Variants in SORCS3 observed in about 807,000 individuals in gnomAD.
The protein encoded by SORCS3 is sortilin related VPS10 domain containing receptor 3, also known as VPS10 domain-containing receptor SorCS3.
In SORCS3, 57 loss-of-function variants were observed where a neutral mutation model predicts 146.3. The observed-to-expected ratio is 0.39, with a 90% CI of 0.31 to 0.49. The LOEUF (loss-of-function observed/expected upper bound fraction) is 0.49. Ranked by LOEUF, SORCS3 falls within the 20% of genes least tolerant of loss-of-function variation. SORCS3 has a pLI of 0.92. For missense variants in SORCS3, 1,341 were observed against 1,575.5 expected (o/e 0.85, Z 2.52); for synonymous variants, 653 against 618.5 (o/e 1.06, Z -0.83).
intron 1 of SORCS3, among the ~76,000 whole-genome samples, chr10:104,820,161 A>T (rs2017856689): frequency 6.6e-6 from 1 of 152,144 alleles, no homozygotes; most frequent in Admixed American, 6.5e-5. Flanking sequence ...AAACATTAGG[A>T]GGGAACAGAT....
At chr10:104,667,790 T>C (rs1017051785) in intron 1 of SORCS3, among the ~76,000 whole-genome samples, 1 of 152,210 alleles carries the variant, frequency 6.6e-6, no homozygotes, top group Non-Finnish European at 1.5e-5. Context: ...GGCCACCTTT[T>C]CTCTTAATAC....
At chr10:105,148,861 G>A (rs557163169) in intron 9 of SORCS3, among the ~76,000 whole-genome samples, 1 of 152,192 alleles carries the variant, frequency 6.6e-6, no homozygotes, top group South Asian at 2.1e-4. Flanking sequence ...TTGGTTCTGT[G>A]TCCCTACCCA....
intron 1 of SORCS3, among the ~76,000 whole-genome samples, chr10:104,770,859 A>C (rs2017240517): frequency 6.6e-6 from 1 of 152,134 alleles, no homozygotes; most frequent in Admixed American, 6.5e-5. Flanking sequence ...GAAGAAATGA[A>C]AACAGTTGAA....
In SORCS3 at chr10:105,263,488, C is replaced by T; in HGVS notation, c.*114C>T. The T allele has an allele frequency of 9.6e-7, 1 of 1,036,494 alleles. No individual in the cohort carries two copies. The highest frequency in any genetic ancestry group is 1.4e-6 in the Non-Finnish European group (1 of 700,738). The allele number at this position is 1,036,494 out of a possible 1,614,324, so 64.2% of individuals were successfully genotyped here. A position where few individuals can be genotyped will look rare whatever the true frequency, so the allele number is the denominator to read the frequency against. Reference sequence around the variant, plus strand: ...TTTTTACCTTTTGTTTACCAAGGGCCCCTTCATAAATAGCAGGCAAATGCC... The same window carrying T: ...TTTTTACCTTTTGTTTACCAAGGGCTCCTTCATAAATAGCAGGCAAATGCC... On this transcript the variant is annotated 3_prime_UTR_variant, in exon 27 of 27. Coordinates refer to ENST00000369701, the MANE Select transcript of SORCS3 (RefSeq NM_014978.3).
chr10:104,777,622 G>A (rs2133488791), intron 1 of SORCS3, among the ~76,000 whole-genome samples: 1 of 152,314 alleles, frequency 6.6e-6, no homozygotes, highest in Non-Finnish European at 1.5e-5. Context: ...GGCATCTAGT[G>A]GTTAGAGGCC....
intron 14 of SORCS3, among the ~76,000 whole-genome samples, chr10:105,178,728 T>C (rs1321020450): frequency 6.6e-6 from 1 of 152,174 alleles, no homozygotes; most frequent in African/African-American, 2.4e-5. Flanking sequence ...TCACCTGTGT[T>C]TATGTGTGCA....
intron 14 of SORCS3, among the ~76,000 whole-genome samples, chr10:105,197,078 T>C (rs1300083395): frequency 6.6e-6 from 1 of 152,210 alleles, no homozygotes; most frequent in Non-Finnish European, 1.5e-5. Context: ...GTGTCTTTTA[T>C]AATGATACTT....
At chr10:105,170,708 A>G (rs768760299) in intron 13 of SORCS3, among the ~76,000 whole-genome samples, 6 of 152,200 alleles carry the variant, frequency 3.9e-5, no homozygotes, top group Non-Finnish European at 7.3e-5. Context: ...GCTGTTGAGT[A>G]TATGTGTTAG....
At chr10:105,231,537 A>G (rs1381700297) in intron 20 of SORCS3, among the ~76,000 whole-genome samples, 1 of 152,154 alleles carries the variant, frequency 6.6e-6, no homozygotes, top group Non-Finnish European at 1.5e-5. Flanking sequence ...GTTAGCCAGG[A>G]CTTCCAGTAC....
At chr10:105,123,168 G>A (rs938891345) in intron 7 of SORCS3, among the ~76,000 whole-genome samples, 2 of 152,216 alleles carry the variant, frequency 1.3e-5, no homozygotes, top group African/African-American at 2.4e-5. Flanking sequence ...GGCCGTATGA[G>A]CTTCACCACC....
intron 5 of SORCS3, among the ~76,000 whole-genome samples, chr10:105,071,048 C>T (rs2055553421): frequency 1.3e-5 from 2 of 151,608 alleles, no homozygotes; most frequent in Admixed American, 1.3e-4. Context: ...TATTCCCCTT[C>T]TGGGCTGTGT....
Position 105,217,139 on chromosome 10 carries a change from A to G in SORCS3, c.2734+17A>G. 6.2e-7 allele frequency: 1 copy of G among 1,612,188 alleles called. No homozygotes were observed. Among genetic ancestry groups the G allele is most frequent in the South Asian group, 1.1e-5 (1 of 91,030 alleles). ...ATGTGGTTTGTAAGTAGGAGGCACCATCCCCGTTTTCCCTTTGTTCCCAGT... is the reference window on the plus strand; with the variant it reads ...ATGTGGTTTGTAAGTAGGAGGCACCGTCCCCGTTTTCCCTTTGTTCCCAGT... On this transcript the variant is annotated intron_variant, in intron 19 of 26. Transcript: ENST00000369701.
At chr10:104,670,502 A>T (rs577224370) in intron 1 of SORCS3, among the ~76,000 whole-genome samples, 7 of 152,290 alleles carry the variant, frequency 4.6e-5, no homozygotes, top group Non-Finnish European at 1.0e-4. Context: ...GACCATTTAT[A>T]TGAAGGTTTA....
At chr10:105,059,444 A>G (rs895775905) in intron 5 of SORCS3, among the ~76,000 whole-genome samples, 2 of 152,168 alleles carry the variant, frequency 1.3e-5, no homozygotes, top group Admixed American at 1.3e-4. Context: ...TATTAACATT[A>G]TGACATGAAT....
intron 5 of SORCS3, among the ~76,000 whole-genome samples, chr10:105,084,733 CTT>C (rs35594157): frequency 5.7e-4 from 81 of 142,998 alleles, no homozygotes; most frequent in Middle Eastern, 3.7e-3. Flanking sequence ...GCTGCTTCTT[CTT>C]TTTTTTTTTT....
intron 2 of SORCS3, among the ~76,000 whole-genome samples, chr10:104,888,726 A>G (rs1169913997): frequency 6.6e-6 from 1 of 152,198 alleles, no homozygotes; most frequent in Non-Finnish European, 1.5e-5. Flanking sequence ...GAGTAGAGAA[A>G]GACAAATAGG....
chr10:105,228,426 C>G (rs1248769590), intron 20 of SORCS3, among the ~76,000 whole-genome samples: 2 of 150,386 alleles, frequency 1.3e-5, no homozygotes, highest in Non-Finnish European at 3.0e-5. Context: ...CTGTTTCTTG[C>G]TTTCTTTCTT....
At chr10:105,184,148 T>C (rs773272467) in intron 14 of SORCS3, among the ~76,000 whole-genome samples, 3 of 152,218 alleles carry the variant, frequency 2.0e-5, no homozygotes, top group Admixed American at 6.5e-5. Context: ...GGCAGACTCC[T>C]GTAAAGGGCC....
intron 5 of SORCS3, among the ~76,000 whole-genome samples, chr10:105,078,868 T>C (rs547346841): frequency 3.3e-5 from 5 of 152,324 alleles, no homozygotes; most frequent in African/African-American, 9.6e-5. Context: ...GCCAAGACTC[T>C]AACCCAGGGT....
Sources: gnomAD v4.1 joint callset for allele counts (sites outside exome capture counted in the v4.1 genomes callset) on GRCh38, gnomAD v4.1.1 for gene constraint, MANE v1.5 for transcripts, NCBI Gene and HGNC (gene_info 2026-07-23, HGNC 2026-07-21) for gene names.